Variants in DYNC2H1 observed in about 807,000 individuals in gnomAD.
The protein encoded by DYNC2H1 is cytoplasmic dynein 2 heavy chain 1.
In DYNC2H1, 410 loss-of-function variants were observed where a neutral mutation model predicts 570.0. The ratio of observed to expected loss-of-function variants is 0.72; its 90% CI spans 0.66 to 0.78. DYNC2H1 has a LOEUF of 0.78. Ranked by LOEUF, DYNC2H1 falls within the 30% of genes least tolerant of loss-of-function variation. DYNC2H1 has a pLI of 0.00. For synonymous variants in DYNC2H1, 1,688 were observed against 1,677.6 expected (o/e 1.01, Z -0.15); for missense variants, 4,865 against 5,046.4 (o/e 0.96, Z 1.09).
intron 82 of DYNC2H1, among the ~76,000 whole-genome samples, chr11:103,353,746 A>AAT (rs1940167216): frequency 6.6e-6 from 1 of 152,094 alleles, no homozygotes; most frequent in Non-Finnish European, 1.5e-5. Context: ...CCCACTTTTA[A>AAT]ATATATATAC....
Position 103,189,543 on chromosome 11 carries a change from G to A in DYNC2H1, c.7293-129G>A, listed in dbSNP as rs897601467. The A allele has an allele frequency of 7.0e-5, 60 of 854,760 alleles. No homozygotes were observed. Among genetic ancestry groups the A allele is most frequent in the Non-Finnish European group, 1.0e-4 (59 of 562,502 alleles). 52.9% of individuals were successfully genotyped at this position (854,760 alleles called of 1,614,324 possible). ...CGATGAGCCTAGTCTTAGCCCCCTG[G>A]GTAAGCTTTGGAGATATGTAGGTCT... is the stretch of plus-strand genomic sequence containing the variant. On this transcript the variant is annotated intron_variant, in intron 44 of 88. Transcript: ENST00000375735. The surrounding 1 kb of genome is among the most constrained non-coding windows in gnomAD (Gnocchi z 4.3).
At chr11:103,231,852 TTC>T (rs1239449361) in intron 60 of DYNC2H1, among the ~76,000 whole-genome samples, 1 of 151,562 alleles carries the variant, frequency 6.6e-6, no homozygotes, top group African/African-American at 2.4e-5. Context: ...GGAAACAATT[TTC>T]TCTCTCTGTG....
At chr11:103,137,599 T>C (rs1859642657) in intron 17 of DYNC2H1, among the ~76,000 whole-genome samples, 1 of 152,202 alleles carries the variant, frequency 6.6e-6, no homozygotes, top group South Asian at 2.1e-4. Context: ...TCTGTTTTGG[T>C]ACCAGTACCA....
At chr11:103,183,393 G>A (rs1861933600) in intron 40 of DYNC2H1, among the ~76,000 whole-genome samples, 1 of 151,804 alleles carries the variant, frequency 6.6e-6, no homozygotes, top group African/African-American at 2.4e-5. Flanking sequence ...TAGAAATGAC[G>A]ACAGGATAAG....
At chr11:103,259,365 G>A (rs1865180217) in intron 69 of DYNC2H1, among the ~76,000 whole-genome samples, 1 of 152,012 alleles carries the variant, frequency 6.6e-6, no homozygotes, top group East Asian at 1.9e-4. Flanking sequence ...CTTGCAAAAC[G>A]GAATTATTAT....
chr11:103,110,897 C>T (rs1858082095), intron 1 of DYNC2H1, among the ~76,000 whole-genome samples: 2 of 151,906 alleles, frequency 1.3e-5, no homozygotes, highest in African/African-American at 4.8e-5. Context: ...ACAATCTTGG[C>T]TCACTGCAAC....
chr11:103,176,171 A>C, intron 36 of DYNC2H1, 64 bp from the exon 37 acceptor site: 1 of 1,284,546 alleles, frequency 7.8e-7, no homozygotes, highest in Non-Finnish European at 1.0e-6. Flanking sequence ...GCTATAGAAT[A>C]TTTAAAAACT....
intron 82 of DYNC2H1, among the ~76,000 whole-genome samples, chr11:103,349,950 C>T (rs540439143): frequency 3.9e-4 from 59 of 152,204 alleles, no homozygotes; most frequent in African/African-American, 1.3e-3. Context: ...CCGCCTCCCC[C>T]TTTATCCTGC....
chr11:103,340,411 A>G (rs1565509161), intron 82 of DYNC2H1, among the ~76,000 whole-genome samples: 1 of 7,554 alleles, frequency 1.3e-4, no homozygotes, highest in Non-Finnish European at 9.3e-3. Flanking sequence ...CATTAAAATC[A>G]ATATTTTAGT....
At chr11:103,111,482 G>A (rs555039927) in intron 1 of DYNC2H1, among the ~76,000 whole-genome samples, 1 of 152,252 alleles carries the variant, frequency 6.6e-6, no homozygotes, top group African/African-American at 2.4e-5. Context: ...AATAGGTAGC[G>A]TAGTTCAGGA....
rs1446272133 is a variant in DYNC2H1, at chr11:103,245,048, C to T, written c.9919-203C>T. 1.3e-5 allele frequency among the ~76,000 whole-genome samples: 2 copies of T among 151,560 alleles called. No homozygotes were observed. Among genetic ancestry groups the T allele is most frequent in the Non-Finnish European group, 2.9e-5 (2 of 67,840 alleles). On this transcript the variant is annotated intron_variant, in intron 64 of 88. Coordinates refer to ENST00000375735, the MANE Select transcript of DYNC2H1 (RefSeq NM_001377.3). This position sits in a 1 kb window ranked among gnomAD's most constrained non-coding sequence, Gnocchi z 4.5. ...AATTTTACTAGAATTCATCATCTTG[C>T]CTTTTTTCCCCATTCAATGTGTGAT...
intron 83 of DYNC2H1, among the ~76,000 whole-genome samples, chr11:103,364,016 G>A (rs1369160796): frequency 6.6e-6 from 1 of 152,032 alleles, no homozygotes; most frequent in African/African-American, 2.4e-5. Flanking sequence ...TAAAAAATAT[G>A]CAAATGTCTG....
chr11:103,268,665 T>C lies in DYNC2H1; in HGVS notation c.10695+8688T>C, dbSNP rs1433187942. ...TGTGATTTATGAAAATGTTATGGAG[T>C]TACAGTTATTTTAAGCTGCCCCAAA... On this transcript the variant is annotated intron_variant, in intron 70 of 88. Transcript: ENST00000375735. This position sits in a 1 kb window ranked among gnomAD's most constrained non-coding sequence, Gnocchi z 4.6. Among the ~76,000 whole-genome samples the C allele has an allele frequency of 1.3e-5, 2 of 151,956 alleles. No homozygotes were observed. Among genetic ancestry groups the C allele is most frequent in the Non-Finnish European group, 2.9e-5 (2 of 67,884 alleles).
At chr11:103,388,522 C>CA (rs550416389) in intron 83 of DYNC2H1, among the ~76,000 whole-genome samples, 46 of 152,250 alleles carry the variant, frequency 3.0e-4, no homozygotes, top group African/African-American at 1.1e-3. Context: ...TTGCCCTGGC[C>CA]AGAACTTCCA....
chr11:103,344,379 T>C (rs1939632038), intron 82 of DYNC2H1, among the ~76,000 whole-genome samples: 1 of 152,222 alleles, frequency 6.6e-6, no homozygotes. Context: ...AATAAATGCA[T>C]TCATTACAAA....
At chr11:103,434,793 T>TG (rs1302238330) in intron 84 of DYNC2H1, among the ~76,000 whole-genome samples, 1 of 152,050 alleles carries the variant, frequency 6.6e-6, no homozygotes, top group Non-Finnish European at 1.5e-5. Context: ...GGCTGAGAGC[T>TG]GGGGGTCTCT....
chr11:103,303,269 C>T lies in DYNC2H1; in HGVS notation c.11256+16C>T. ...TTATCACCAGGTAAGTACATATTGTCCCGCTGTTTTTGTTTTTGCTATTGC... is the reference window on the plus strand; with the variant it reads ...TTATCACCAGGTAAGTACATATTGTTCCGCTGTTTTTGTTTTTGCTATTGC... On this transcript the variant is annotated intron_variant, in intron 76 of 88. Coordinates refer to ENST00000375735, the MANE Select transcript of DYNC2H1 (RefSeq NM_001377.3). The T allele has an allele frequency of 6.2e-7, 1 of 1,604,316 alleles. No individual in the cohort carries two copies.
intron 75 of DYNC2H1, among the ~76,000 whole-genome samples, chr11:103,301,587 A>G (rs1229927974): frequency 6.6e-6 from 1 of 152,000 alleles, no homozygotes; most frequent in Non-Finnish European, 1.5e-5. Flanking sequence ...TTTATAAAAT[A>G]TGCCTCTAAA....
chr11:103,304,512 A>C, intron 76 of DYNC2H1, 83 bp from the exon 77 acceptor site: 1 of 1,406,264 alleles, frequency 7.1e-7, no homozygotes, highest in Admixed American at 2.5e-5. Context: ...TTTAGGGATT[A>C]CTATTATTGA....
Sources: allele counts gnomAD v4.1 joint callset (sites outside exome capture counted in the v4.1 genomes callset), GRCh38; gene constraint gnomAD v4.1.1; non-coding constraint Gnocchi (gnomAD v3.1); transcripts MANE v1.5; gene names NCBI Gene and HGNC (gene_info 2026-07-23, HGNC 2026-07-21).